ODAD2: variants seen among roughly 807,000 people sequenced by gnomAD.
ODAD2 encodes outer dynein arm docking complex subunit 2.
Under a neutral mutation model 106.8 loss-of-function variants are expected in ODAD2, and 89 were observed. That is an observed-to-expected ratio of 0.83 (90% CI 0.70 to 0.99). The LOEUF is 0.99. ODAD2 is among the 50% of genes least tolerant of loss of function. The probability of loss-of-function intolerance (pLI) is 0.00; values close to 1 mark genes in which losing one functional copy is unlikely to be tolerated. For missense variants in ODAD2, 1,168 were observed against 1,238.5 expected (o/e 0.94, Z 0.85); for synonymous variants, 404 against 436.2 (o/e 0.93, Z 0.92).
At position 27,981,569 on chromosome 10, in the gene ODAD2, T is replaced by C; in HGVS notation, c.833A>G (p.Asp278Gly). The change falls in exon 7 of 20, where the codon GAT becomes GGT. Residue 278 changes from aspartate (D) to glycine (G), a missense_variant. Transcript: ENST00000305242. ...TCTCTCATAATTAACGTCCCCTTCA[T>C]CATCTGTTTTGCCCTTTGGGAAAAA... ...GVFLNGGKTD[D>G]EGDVNYERKG... The C allele has an allele frequency of 6.5e-7, 1 of 1,544,780 alleles. No homozygotes were observed. The highest frequency in any genetic ancestry group is 8.6e-7 in the Non-Finnish European group (1 of 1,158,126).
intron 10 of ODAD2, among the ~76,000 whole-genome samples, chr10:27,948,778 G>GCTTT (rs1847115638): frequency 2.5e-5 from 1 of 39,238 alleles, no homozygotes; most frequent in Non-Finnish European, 5.9e-5. Flanking sequence ...TTGGCCTTTG[G>GCTTT]ATTTTTTTTT....
At chr10:27,982,928 C>G (rs1418847794) in intron 6 of ODAD2, among the ~76,000 whole-genome samples, 2 of 152,174 alleles carry the variant, frequency 1.3e-5, no homozygotes, top group African/African-American at 2.4e-5. Context: ...GTGCTACTCA[C>G]GCAGGAATCT....
At chr10:27,982,320 C>A (rs1328566985) in intron 6 of ODAD2, among the ~76,000 whole-genome samples, 1 of 151,924 alleles carries the variant, frequency 6.6e-6, no homozygotes, top group Non-Finnish European at 1.5e-5. Context: ...GTTTTATGGT[C>A]CTTGTCTTTC....
At position 27,823,947 on chromosome 10, in the gene ODAD2, T is replaced by C. The variant is rs1311162040; in HGVS notation, c.3022-11322A>G. On this transcript the variant is annotated intron_variant, in intron 19 of 19. Coordinates refer to ENST00000305242, the MANE Select transcript of ODAD2 (RefSeq NM_018076.5). Reference sequence around the variant, plus strand: ...CGAGGTCAGGAGATCGAGACCATCCTGGCTAACACGGTGAAACCCCGTCTC... The same window carrying C: ...CGAGGTCAGGAGATCGAGACCATCCCGGCTAACACGGTGAAACCCCGTCTC... Among the ~76,000 whole-genome samples the C allele has an allele frequency of 2.5e-5, 3 of 117,914 alleles. 1 individual carries two copies. The highest frequency in any genetic ancestry group is 9.3e-5 in the African/African-American group (2 of 21,582). 77.4% of individuals were successfully genotyped at this position (117,914 alleles called of 152,430 possible). A position where few individuals can be genotyped will look rare whatever the true frequency, so the allele number is the denominator to read the frequency against.
intron 16 of ODAD2, among the ~76,000 whole-genome samples, chr10:27,908,255 C>A (rs1171006186): frequency 6.6e-6 from 1 of 152,150 alleles, no homozygotes; most frequent in East Asian, 1.9e-4. Flanking sequence ...AAAATCATTA[C>A]ACCACAGTGC....
intron 19 of ODAD2, among the ~76,000 whole-genome samples, chr10:27,827,453 A>G (rs1482135939): frequency 2.0e-5 from 3 of 149,940 alleles, no homozygotes; most frequent in Non-Finnish European, 4.4e-5. Flanking sequence ...GTTCAAAGCC[A>G]TTGTGTCCCA....
Position 27,855,246 on chromosome 10 carries a change from ATTAAAG to A in ODAD2, c.3021+5373_3021+5378del, listed in dbSNP as rs1221412759. Among the ~76,000 whole-genome samples, 4 of 152,218 alleles carry A rather than the reference ATTAAAG, an allele frequency of 2.6e-5. No individual in the cohort carries two copies. The East Asian group carries it at 5.8e-4, about 22-fold the overall frequency. ...GAAAAGCATTTGATGTACATATGAT[ATTAAAG>A]TTAAACATGATGAACTAAACTCTGA... On this transcript the variant is annotated intron_variant, in intron 19 of 19. Transcript: ENST00000305242.
At chr10:27,885,648 T>TTATATATAA (rs1842084299) in intron 17 of ODAD2, among the ~76,000 whole-genome samples, 1 of 30,982 alleles carries the variant, frequency 3.2e-5, no homozygotes, top group African/African-American at 9.7e-5. Context: ...ATTATATATA[T>TTATATATAA]TATATATAAT....
chr10:27,889,895 C>T (rs1842452473), intron 17 of ODAD2, among the ~76,000 whole-genome samples: 1 of 152,014 alleles, frequency 6.6e-6, no homozygotes, highest in South Asian at 2.1e-4. Flanking sequence ...CAGTCATGGA[C>T]AAGATGGATA....
At chr10:27,935,640 C>G (rs986329610) in intron 15 of ODAD2, among the ~76,000 whole-genome samples, 2 of 151,012 alleles carry the variant, frequency 1.3e-5, no homozygotes, top group African/African-American at 4.9e-5. Flanking sequence ...AAACATGGCT[C>G]TATTGTACCT....
intron 19 of ODAD2, among the ~76,000 whole-genome samples, chr10:27,827,718 C>T (rs71523589): frequency 0.038 from 5,815 of 152,180 alleles, 149 homozygotes; most frequent in Non-Finnish European, 0.061. Flanking sequence ...CTTCCAGCCC[C>T]GTTCCCATCC....
At chr10:27,860,098 T>C (rs760067313) in intron 19 of ODAD2, among the ~76,000 whole-genome samples, 2 of 152,218 alleles carry the variant, frequency 1.3e-5, no homozygotes, top group Non-Finnish European at 2.9e-5. Context: ...ACTAAGTACA[T>C]TTCTATGCTT....
chr10:27,929,632 A>G (rs945108569), intron 16 of ODAD2, among the ~76,000 whole-genome samples: 1 of 152,162 alleles, frequency 6.6e-6, no homozygotes, highest in Non-Finnish European at 1.5e-5. Flanking sequence ...AGAGAGTACT[A>G]CATTCACCAA....
intron 10 of ODAD2, among the ~76,000 whole-genome samples, chr10:27,954,461 C>T (rs929003348): frequency 2.6e-5 from 4 of 151,332 alleles, no homozygotes; most frequent in African/African-American, 9.7e-5. Context: ...TCTAGCTGTG[C>T]TGGCTTATAG....
At chr10:27,916,043 A>G (rs1844348689) in intron 16 of ODAD2, among the ~76,000 whole-genome samples, 1 of 152,238 alleles carries the variant, frequency 6.6e-6, no homozygotes, top group Non-Finnish European at 1.5e-5. Context: ...ACCTAAATAG[A>G]GTGATTGAAG....
chr10:27,920,695 T>A (rs1264770999), intron 16 of ODAD2, among the ~76,000 whole-genome samples: 6 of 152,192 alleles, frequency 3.9e-5, no homozygotes, highest in Admixed American at 6.5e-5. Context: ...ACACATATTC[T>A]ATTTTATGTT....
chr10:27,918,870 A>C (rs1047244691), intron 16 of ODAD2, among the ~76,000 whole-genome samples: 6 of 151,786 alleles, frequency 4.0e-5, no homozygotes, highest in African/African-American at 1.4e-4. Flanking sequence ...TGAATATACA[A>C]AGGTATATTC....
intron 19 of ODAD2, among the ~76,000 whole-genome samples, chr10:27,824,484 C>T (rs1836883775): frequency 6.6e-6 from 1 of 152,238 alleles, no homozygotes; most frequent in Non-Finnish European, 1.5e-5. Flanking sequence ...TGACCCTTGA[C>T]AGATGCTGGT....
At chr10:27,853,296 G>A (rs1395332415) in intron 19 of ODAD2, 3 of 259,328 alleles carry the variant, frequency 1.2e-5, no homozygotes, top group Non-Finnish European at 2.3e-5. Context: ...GAATCCGGGA[G>A]GTGGAGGTTG....
Sources: gnomAD v4.1 joint callset for allele counts (sites outside exome capture counted in the v4.1 genomes callset) on GRCh38, gnomAD v4.1.1 for gene constraint, MANE v1.5 for transcripts, NCBI Gene and HGNC (gene_info 2026-07-23, HGNC 2026-07-21) for gene names.